Variants in DIP2C observed in about 807,000 individuals in gnomAD.
DIP2C encodes disco-interacting protein 2 homolog C.
A neutral mutation model predicts 192.4 loss-of-function variants in DIP2C; 33 were observed. The ratio of observed to expected loss-of-function variants is 0.17; its 90% CI spans 0.13 to 0.23. The LOEUF is 0.23. DIP2C is among the 10% of genes least tolerant of loss of function. The probability of loss-of-function intolerance (pLI) is 1.00; values close to 1 mark genes in which losing one functional copy is unlikely to be tolerated. For synonymous variants in DIP2C, 979 were observed against 864.1 expected, an observed-to-expected ratio of 1.13 and a Z score of -2.33; for missense variants, 1,537 against 2,110.1, an observed-to-expected ratio of 0.73 and a Z score of 5.32.
chr10:472,511 C>T lies in DIP2C; in HGVS notation c.196G>A (p.Val66Ile), dbSNP rs1970712078. 6.2e-7 allele frequency: 1 copy of T among 1,614,216 alleles called. No individual in the cohort carries two copies. Among genetic ancestry groups the T allele is most frequent in the Non-Finnish European group, 8.5e-7 (1 of 1,180,042 alleles). ...QALPQERRAP[V>I]TPSSASRYHR... is the part of the protein sequence containing the mutation. ...TAGCGAGAGGCGGAGGAAGGAGTGACAGGAGCCCGGCGTTCTTGCGGCAAA... is the reference window on the plus strand; with the variant it reads ...TAGCGAGAGGCGGAGGAAGGAGTGATAGGAGCCCGGCGTTCTTGCGGCAAA... Residue 66 changes from valine to isoleucine, a missense_variant, in exon 3 of 37, where the codon GTC becomes ATC. By Grantham distance (29) the Val-to-Ile change is conservative (BLOSUM62 3). Transcript: ENST00000280886.
chr10:599,386 T>G (rs570738605), intron 1 of DIP2C, among the ~76,000 whole-genome samples: 19 of 152,310 alleles, frequency 1.2e-4, no homozygotes, highest in Admixed American at 3.3e-4. Context: ...GCAATCTCTT[T>G]GCAATCAAAA....
At chr10:476,412 C>T (rs1024141214) in intron 2 of DIP2C, among the ~76,000 whole-genome samples, 2 of 152,216 alleles carry the variant, frequency 1.3e-5, no homozygotes, top group Non-Finnish European at 2.9e-5. Context: ...CTAGGCTCAG[C>T]CTCCTGCCTC....
chr10:603,333 AC>A lies in DIP2C; in HGVS notation c.85+86160del, dbSNP rs375043583. On this transcript the variant is annotated intron_variant, in intron 1 of 36. Coordinates refer to ENST00000280886, the MANE Select transcript of DIP2C (RefSeq NM_014974.3). ...AAAAAAAAAAAAAAAAAAAAAAAAA[AC>A]CAACCATGAGATTTTGCTGCTTCAT... 9.0e-3 allele frequency among the ~76,000 whole-genome samples: 1,086 copies of A among 121,098 alleles called. 61 individuals are homozygous for A. Among genetic ancestry groups the A allele is most frequent in the African/African-American group, 0.034 (952 of 28,294 alleles). 79.4% of individuals were successfully genotyped at this position (121,098 alleles called of 152,430 possible).
intron 1 of DIP2C, among the ~76,000 whole-genome samples, chr10:532,572 T>G: frequency 1.4e-5 from 2 of 142,204 alleles, no homozygotes; most frequent in Non-Finnish European, 3.0e-5. Context: ...AGAGAGAGTA[T>G]GGGTGTGAGA....
chr10:550,809 G>A (rs2130944201), intron 1 of DIP2C, among the ~76,000 whole-genome samples: 1 of 152,350 alleles, frequency 6.6e-6, no homozygotes, highest in African/African-American at 2.4e-5. Context: ...AAGCAACAGG[G>A]AAGCAAGAAG....
In DIP2C at chr10:390,064, C is replaced by G. The variant is rs1963335861; in HGVS notation, c.1524G>C (p.Leu508=). ...EYKTCKDGSV[L]GVTVTRTALL... ...GCGCAGTCCTCGTCACCGTCACACC[C>G]AGCACACTGCCATCCTTACACGTCT... is the stretch of plus-strand genomic sequence containing the variant. Residue 508 remains leucine, a synonymous_variant, in exon 13 of 37, where the codon CTG becomes CTC. Coordinates refer to ENST00000280886, the MANE Select transcript of DIP2C (RefSeq NM_014974.3). The G allele has an allele frequency of 6.2e-7, 1 of 1,614,014 alleles. No homozygotes were observed. Among genetic ancestry groups the G allele is most frequent in the South Asian group, 1.1e-5 (1 of 91,072 alleles).
chr10:462,201 G>A (rs141991591), intron 3 of DIP2C, among the ~76,000 whole-genome samples: 2,010 of 151,206 alleles, frequency 0.013, 18 homozygotes, highest in Admixed American at 0.02. Flanking sequence ...GAAGGAGACA[G>A]AGACACGAAA....
At chr10:316,951 T>C (rs1956801730) in intron 31 of DIP2C, among the ~76,000 whole-genome samples, 1 of 152,222 alleles carries the variant, frequency 6.6e-6, no homozygotes, top group African/African-American at 2.4e-5. Context: ...TACATTTGAG[T>C]CTTCAGCTCT....
intron 1 of DIP2C, among the ~76,000 whole-genome samples, chr10:539,044 C>G (rs139217763): frequency 6.6e-6 from 1 of 151,826 alleles, no homozygotes; most frequent in Non-Finnish European, 1.5e-5. Context: ...ATCTGTTCTA[C>G]GAGCTCAGTT....
rs746816489 is a variant in DIP2C, at chr10:440,944, C to G, written c.321G>C (p.Lys107Asn). 1 of 1,613,880 alleles carries G rather than the reference C, an allele frequency of 6.2e-7. No individual in the cohort carries two copies. The highest frequency in any genetic ancestry group is 8.5e-7 in the Non-Finnish European group (1 of 1,180,040). The part of the protein sequence containing the change: ...QAALAKHKER[K>N]MAVPMPSKRR... ...GTTTGGAAGGCATAGGCACTGCCAT[C>G]TTCCGCTCTTTGTGTTTGGCCAGAG... is the stretch of plus-strand genomic sequence containing the variant. The change falls in exon 4 of 37, where the codon AAG becomes AAC. Residue 107 changes from lysine to asparagine, a missense_variant. Coordinates refer to ENST00000280886, the MANE Select transcript of DIP2C (RefSeq NM_014974.3).
chr10:644,983 T>C (rs925049008), intron 1 of DIP2C, among the ~76,000 whole-genome samples: 2 of 152,182 alleles, frequency 1.3e-5, no homozygotes, highest in Admixed American at 6.5e-5. Context: ...AGAAAGGGAC[T>C]GAGGACCTGA....
At chr10:393,425 G>A (rs1468330183) in intron 10 of DIP2C, among the ~76,000 whole-genome samples, 1 of 152,082 alleles carries the variant, frequency 6.6e-6, no homozygotes, top group Admixed American at 6.6e-5. Context: ...GCACCCAAAT[G>A]GCCAACAGGT....
chr10:505,846 G>T (rs1299767575), intron 1 of DIP2C, among the ~76,000 whole-genome samples: 1 of 151,960 alleles, frequency 6.6e-6, no homozygotes, highest in Admixed American at 6.6e-5. Context: ...ATTTCCTCTG[G>T]GCGCACCTGA....
chr10:295,560 C>CAAAAAA (rs551060445), intron 32 of DIP2C, among the ~76,000 whole-genome samples: 1 of 53,662 alleles, frequency 1.9e-5, no homozygotes, highest in African/African-American at 8.2e-5. Context: ...GACTCCATCT[C>CAAAAAA]AAAAAAAAAA....
intron 28 of DIP2C, among the ~76,000 whole-genome samples, chr10:341,816 C>T (rs1958160999): frequency 1.3e-5 from 2 of 152,180 alleles, no homozygotes; most frequent in South Asian, 4.1e-4. Flanking sequence ...GAGTTCCCGG[C>T]TGCAGTGAGC....
At chr10:543,782 T>C (rs1848130414) in intron 1 of DIP2C, among the ~76,000 whole-genome samples, 1 of 152,260 alleles carries the variant, frequency 6.6e-6, no homozygotes, top group Non-Finnish European at 1.5e-5. Context: ...AAATCCCCCA[T>C]ATTAAAGGGT....
At chr10:593,189 A>T (rs1422062177) in intron 1 of DIP2C, among the ~76,000 whole-genome samples, 1 of 151,974 alleles carries the variant, frequency 6.6e-6, no homozygotes. Flanking sequence ...CAGGACACTC[A>T]CTGGGTTTCC....
chr10:352,558 C>T (rs1589578277), intron 24 of DIP2C, among the ~76,000 whole-genome samples: 1 of 152,192 alleles, frequency 6.6e-6, no homozygotes, highest in East Asian at 1.9e-4. Context: ...GAGACAGGCA[C>T]ACGATTTCAC....
At position 580,173 on chromosome 10, in the gene DIP2C, G is replaced by A. The variant is rs568780331; in HGVS notation, c.86-93643C>T. On this transcript the variant is annotated intron_variant, in intron 1 of 36. Transcript: ENST00000280886. ...TCCGATGTACAGTGCACTACAGCAT[G>A]CCTACACATGCGTAGTGTATACATA... is the stretch of plus-strand genomic sequence containing the variant. Among the ~76,000 whole-genome samples the A allele has an allele frequency of 5.9e-5, 9 of 152,238 alleles. No homozygotes were observed. The East Asian group carries it at 1.5e-3, about 26-fold the overall frequency.
Sources: gnomAD v4.1 joint callset for allele counts (sites outside exome capture counted in the v4.1 genomes callset) on GRCh38, gnomAD v4.1.1 for gene constraint, MANE v1.5 for transcripts, NCBI Gene and HGNC (gene_info 2026-07-23, HGNC 2026-07-21) for gene names.